Variants in PCDHGA7 observed in about 807,000 individuals in gnomAD.
PCDHGA7 encodes protocadherin gamma subfamily A, 7, also known as protocadherin gamma-A7.
In PCDHGA7, 44 loss-of-function variants were observed where a neutral mutation model predicts 58.3. The ratio of observed to expected loss-of-function variants is 0.75; its 90% CI spans 0.59 to 0.97. The LOEUF is 0.97. Ranked by LOEUF, PCDHGA7 falls within the 50% of genes least tolerant of loss-of-function variation. PCDHGA7 has a pLI of 0.00. For missense variants in PCDHGA7, 1,266 were observed against 1,188.7 expected (o/e 1.06, Z -0.96); for synonymous variants, 516 against 504.2 (o/e 1.02, Z -0.31).
Position 141,421,984 on chromosome 5 carries a change from C to G in PCDHGA7, c.2424+36661C>G, listed in dbSNP as rs201871921. On this transcript the variant is annotated intron_variant, in intron 1 of 3. Transcript: ENST00000518325. ...ACAGTCCGTATATCGCGTGAGTGTT[C>G]CAGAAAACATCAGCTCCGGAACTCG... 21 of 1,608,770 alleles carry G rather than the reference C, an allele frequency of 1.3e-5. No homozygotes were observed. In the Admixed American group the frequency reaches 2.4e-4, roughly 18 times the overall value.
chr5:141,404,485 T>C (rs780359921), intron 1 of PCDHGA7: 2 of 1,613,490 alleles, frequency 1.2e-6, no homozygotes, highest in Admixed American at 1.7e-5. Context: ...ACTCAGACAC[T>C]GGTGTGCTGT....
At chr5:141,502,866 C>CTTTTTTTT (rs549047197) in intron 2 of PCDHGA7, among the ~76,000 whole-genome samples, 38,988 of 127,080 alleles carry the variant, frequency 0.31, 7,978 homozygotes, top group African/African-American at 0.51. Flanking sequence ...GACTCTCTGT[C>CTTTTTTTT]TTTTTTTTTT....
At chr5:141,423,632 T>G in intron 1 of PCDHGA7, 1 of 1,602,602 alleles carries the variant, frequency 6.2e-7, no homozygotes, top group Non-Finnish European at 8.5e-7. Flanking sequence ...GCTATCATTT[T>G]AGGCAAATGT....
intron 1 of PCDHGA7, among the ~76,000 whole-genome samples, chr5:141,435,500 A>G (rs896915416): frequency 6.6e-6 from 1 of 152,176 alleles, no homozygotes; most frequent in African/African-American, 2.4e-5. Context: ...TCCTACACTA[A>G]TGATACTAAT....
rs2099394923 is a variant in PCDHGA7 at position 141,476,611 on chromosome 5, A to G, written c.2425-18196A>G. On this transcript the variant is annotated intron_variant, in intron 1 of 3. Coordinates refer to ENST00000518325, the MANE Select transcript of PCDHGA7 (RefSeq NM_018920.4). The surrounding 1 kb of genome is among the most constrained non-coding windows in gnomAD (Gnocchi z 7.6). ...AGAGCGCGCACGATCCCGATGTGGG[A>G]AGCAACTCTTTACAAACCTATGAGC... 6.2e-7 allele frequency: 1 copy of G among 1,614,092 alleles called. No individual in the cohort carries two copies. Among genetic ancestry groups the G allele is most frequent in the Non-Finnish European group, 8.5e-7 (1 of 1,180,042 alleles).
At chr5:141,411,059 C>T (rs1384816111) in intron 1 of PCDHGA7, 1 of 156,328 alleles carries the variant, frequency 6.4e-6, no homozygotes, top group African/African-American at 2.4e-5. Context: ...ACTATGTCGA[C>T]CAGGCTGTTC....
At chr5:141,497,969 C>T (rs1595499086) in intron 2 of PCDHGA7, among the ~76,000 whole-genome samples, 1 of 152,160 alleles carries the variant, frequency 6.6e-6, no homozygotes. Flanking sequence ...GCAGTGTTCT[C>T]GATGTGGGAG....
chr5:141,421,831 G>C lies in PCDHGA7; in HGVS notation c.2424+36508G>C, dbSNP rs201283981. ...AGAGCTAGTACTGGAGGGAAGCCTG[G>C]ACCGAGAGAAAGAGGCTGCTCACCT... On this transcript the variant is annotated intron_variant, in intron 1 of 3. Transcript: ENST00000518325. 68 of 1,613,784 alleles carry C rather than the reference G, an allele frequency of 4.2e-5. 1 individual carries two copies. The East Asian group carries it at 1.4e-3, about 33-fold the overall frequency.
intron 1 of PCDHGA7, chr5:141,415,740 G>GTTTTTTTTTTTTTTTTTTTTTTTTTTTTT (rs57426385): frequency 8.0e-6 from 5 of 625,030 alleles, no homozygotes; most frequent in African/African-American, 2.5e-5. Flanking sequence ...GTTTATTAAG[G>GTTTTTTTTTTTTTTTTTTTTTTTTTTTTT]TTTTTTTTTT....
chr5:141,459,862 C>T (rs931723906), intron 1 of PCDHGA7, among the ~76,000 whole-genome samples: 3 of 152,158 alleles, frequency 2.0e-5, no homozygotes, highest in East Asian at 1.9e-4. Context: ...TTGAAGCATT[C>T]GTTCATCTTT....
In PCDHGA7 at chr5:141,512,848, G is replaced by C. The variant is rs1362051688; in HGVS notation, c.*1675G>C. The C allele has an allele frequency of 6.6e-6, 1 of 152,216 alleles. No individual in the cohort carries two copies. 9.4% of individuals were successfully genotyped at this position (152,216 alleles called of 1,614,324 possible). ...CCCCGTACTGACTTCTCCTATAAGC[G>C]CTTCTCTTCGCATAGTCACGTAGCT... On this transcript the variant is annotated 3_prime_UTR_variant, in exon 4 of 4. Transcript: ENST00000518325.
At chr5:141,387,000 C>T (rs1211654185) in intron 1 of PCDHGA7, among the ~76,000 whole-genome samples, 7 of 152,118 alleles carry the variant, frequency 4.6e-5, no homozygotes, top group African/African-American at 1.7e-4. Flanking sequence ...TATTATCCCC[C>T]TGATAACTTT....
intron 1 of PCDHGA7, chr5:141,410,320 C>G (rs752279818): frequency 8.1e-6 from 13 of 1,613,880 alleles, no homozygotes; most frequent in African/African-American, 2.7e-5. Context: ...TCCTCCTCGC[C>G]GTGATTCTGG....
At position 141,494,852 on chromosome 5, in the gene PCDHGA7, C is replaced by T. The variant is rs755464933; in HGVS notation, c.2470C>T (p.Pro824Ser). ...TDWRFSQAQR[P>S]GTSGSQNGDD... is the part of the protein sequence containing the mutation. Reference sequence around the variant, plus strand: ...CTGGCGTTTCTCTCAGGCCCAGAGACCCGGCACCAGCGGGTAGGTGACTGA... The same window carrying T: ...CTGGCGTTTCTCTCAGGCCCAGAGATCCGGCACCAGCGGGTAGGTGACTGA... The change falls in exon 2 of 4, where the codon CCC (proline) becomes TCC (serine). Residue 824 changes from proline (P) to serine (S), a missense_variant. Coordinates refer to ENST00000518325, the MANE Select transcript of PCDHGA7 (RefSeq NM_018920.4). 6 of 1,614,042 alleles carry T rather than the reference C, an allele frequency of 3.7e-6. No homozygotes were observed. Among genetic ancestry groups the T allele is most frequent in the Admixed American group, 1.7e-5 (1 of 60,000 alleles).
In PCDHGA7 at chr5:141,491,163, C is replaced by T; in HGVS notation, c.2425-3644C>T. On this transcript the variant is annotated intron_variant, in intron 1 of 3. Transcript: ENST00000518325. The surrounding 1 kb of genome is among the most constrained non-coding windows in gnomAD (Gnocchi z 6.9). ...CCTTACTGGAGGATGACTCTGACAC[C>T]CAGCAGGTGGTGGTCCTGGTGAGGG... is the stretch of plus-strand genomic sequence containing the variant. 1 of 1,614,092 alleles carries T rather than the reference C, an allele frequency of 6.2e-7. No homozygotes were observed. Among genetic ancestry groups the T allele is most frequent in the Non-Finnish European group, 8.5e-7 (1 of 1,179,950 alleles).
In PCDHGA7 at chr5:141,431,819, A is replaced by C. The variant is rs2097420237; in HGVS notation, c.2424+46496A>C. On this transcript the variant is annotated intron_variant, in intron 1 of 3. Transcript: ENST00000518325. The surrounding 1 kb of genome is among the most constrained non-coding windows in gnomAD (Gnocchi z 4.8). ...AGAAGTGGTCCTCACCTCTCTCGCC[A>C]GCTCGGTTCCCGAAAACTCTCCCAG... 6.2e-7 allele frequency: 1 copy of C among 1,614,154 alleles called. No individual in the cohort carries two copies. Among genetic ancestry groups the C allele is most frequent in the Admixed American group, 1.7e-5 (1 of 60,018 alleles).
intron 1 of PCDHGA7, chr5:141,395,285 T>A: frequency 6.5e-7 from 1 of 1,535,168 alleles, no homozygotes; most frequent in Non-Finnish European, 8.8e-7. Context: ...GAATTTTATT[T>A]GGCATAAATT....
At chr5:141,453,495 C>T (rs1490576605) in intron 1 of PCDHGA7, among the ~76,000 whole-genome samples, 1 of 151,968 alleles carries the variant, frequency 6.6e-6, no homozygotes, top group Admixed American at 6.6e-5. Flanking sequence ...AAAAGGTGTA[C>T]TCAGAAAATT....
intron 1 of PCDHGA7, chr5:141,423,195 G>A: frequency 1.2e-6 from 2 of 1,613,544 alleles, no homozygotes; most frequent in Non-Finnish European, 8.5e-7. Flanking sequence ...CCCCTCTCTC[G>A]GCCACCGTCA....
Sources: allele counts gnomAD v4.1 joint callset (sites outside exome capture counted in the v4.1 genomes callset), GRCh38; gene constraint gnomAD v4.1.1; non-coding constraint Gnocchi (gnomAD v3.1); transcripts MANE v1.5; gene names NCBI Gene and HGNC (gene_info 2026-07-23, HGNC 2026-07-21).